ABCC11: variants seen among roughly 807,000 people sequenced by gnomAD.
ABCC11 encodes the protein ATP-binding cassette sub-family C member 11.
A neutral mutation model predicts 149.3 loss-of-function variants in ABCC11; 135 were observed. The observed-to-expected ratio is 0.90, with a 90% CI of 0.79 to 1.04. The LOEUF (loss-of-function observed/expected upper bound fraction) is 1.04. ABCC11 is among the 50% of genes least tolerant of loss of function. ABCC11 has a pLI of 0.00. For synonymous variants in ABCC11, 665 were observed against 671.4 expected (o/e 0.99, Z 0.15); for missense variants, 1,680 against 1,722.1 (o/e 0.98, Z 0.43).
chr16:48,195,458 G>C (rs1967315224), intron 18 of ABCC11, among the ~76,000 whole-genome samples: 1 of 152,176 alleles, frequency 6.6e-6, no homozygotes, highest in South Asian at 2.1e-4. Flanking sequence ...CCTCCCCCAG[G>C]CATGCAGACA....
In ABCC11 at chr16:48,212,406, A is replaced by G. The variant is rs555567511; in HGVS notation, c.1356+1037T>C. On this transcript the variant is annotated intron_variant, in intron 10 of 29. Transcript: ENST00000356608. Reference sequence around the variant, plus strand: ...GCCACACAGAAAATACACTAACACCAATGATAGCTAATGAGCTAAGAAAAA... The same window carrying G: ...GCCACACAGAAAATACACTAACACCGATGATAGCTAATGAGCTAAGAAAAA... Among the ~76,000 whole-genome samples the G allele has an allele frequency of 4.6e-5, 7 of 152,278 alleles. No individual in the cohort carries two copies. The East Asian group carries it at 1.2e-3, about 25-fold the overall frequency.
intron 22 of ABCC11, 83 bp downstream of exon 22, chr16:48,186,870 C>T (rs1966776353): frequency 2.6e-6 from 4 of 1,517,074 alleles, no homozygotes; most frequent in Non-Finnish European, 1.8e-6. Context: ...GAAGATGATG[C>T]CACTCCCAGA....
intron 28 of ABCC11, among the ~76,000 whole-genome samples, chr16:48,168,836 A>G (rs534365950): frequency 6.4e-4 from 98 of 152,306 alleles, no homozygotes; most frequent in African/African-American, 2.3e-3. Context: ...TGGGAGTTGA[A>G]CAATGAGAAC....
intron 5 of ABCC11, 112 bp from the exon 6 acceptor site, chr16:48,222,943 G>C: frequency 1.1e-6 from 1 of 913,408 alleles, no homozygotes; most frequent in Non-Finnish European, 1.7e-6. Context: ...GTTTGTTGAA[G>C]GATCAAAACT....
chr16:48,196,835 T>C (rs1340814568), intron 17 of ABCC11, among the ~76,000 whole-genome samples: 1 of 152,204 alleles, frequency 6.6e-6, no homozygotes, highest in African/African-American at 2.4e-5. Flanking sequence ...TACCTGGAGA[T>C]GCCCATAGAT....
At chr16:48,194,902 G>A (rs1967254293) in intron 18 of ABCC11, among the ~76,000 whole-genome samples, 1 of 152,160 alleles carries the variant, frequency 6.6e-6, no homozygotes, top group African/African-American at 2.4e-5. Flanking sequence ...GCACAAATAG[G>A]CTAATAAAAT....
chr16:48,168,492 T>G (rs1261002454), intron 28 of ABCC11, among the ~76,000 whole-genome samples: 1 of 152,170 alleles, frequency 6.6e-6, no homozygotes, highest in Non-Finnish European at 1.5e-5. Context: ...CCATGATACA[T>G]GTGTGTGAGC....
intron 19 of ABCC11, 68 bp from the exon 20 acceptor site, chr16:48,192,785 T>C: frequency 6.7e-7 from 1 of 1,491,026 alleles, no homozygotes. Flanking sequence ...GAAAGCCTTC[T>C]CCCTGGGGCC....
intron 23 of ABCC11, among the ~76,000 whole-genome samples, chr16:48,180,292 C>T (rs1435967050): frequency 2.0e-5 from 3 of 152,242 alleles, no homozygotes; most frequent in Admixed American, 6.5e-5. Flanking sequence ...AAGTTATCTC[C>T]TCTCCAGCCT....
rs1596845255 is a variant in ABCC11 at position 48,230,553 on chromosome 16, A to G, written c.120T>C (p.Asp40=). 1.2e-6 allele frequency: 2 copies of G among 1,606,086 alleles called. No homozygotes were observed. Among genetic ancestry groups the G allele is most frequent in the Non-Finnish European group, 1.7e-6 (2 of 1,176,312 alleles). Residue 40 remains aspartate, a synonymous_variant, in exon 3 of 30, where the codon GAT becomes GAC. Transcript: ENST00000356608. ...GLIYKTYTLQ[D]GPWSQQERNP... is the part of the protein sequence containing the mutation. ...TTCTCTCTTGCTGACTCCAGGGGCC[A>G]TCTTGGAGAGTATAGGTTTTCTTGG...
rs1264139210 is a variant in ABCC11 at position 48,187,410 on chromosome 16, C to G, written c.2724G>C (p.Met908Ile). Reference protein sequence around the residue: ...KLFNKVFRCPMSFFDTIPIGR... With the variant: ...KLFNKVFRCPISFFDTIPIGR... ...CTATTGGGATGGTGTCAAAGAAACTCATGGGGCAGCGGAAAACCTGCAGGG... is the reference window on the plus strand; with the variant it reads ...CTATTGGGATGGTGTCAAAGAAACTGATGGGGCAGCGGAAAACCTGCAGGG... The change falls in exon 21 of 30, where the codon ATG becomes ATC. Residue 908 changes from methionine to isoleucine, a missense_variant. Transcript: ENST00000356608. 1.2e-6 allele frequency: 2 copies of G among 1,612,974 alleles called. No individual in the cohort carries two copies. The highest frequency in any genetic ancestry group is 3.3e-5 in the Admixed American group (2 of 59,896).
chr16:48,191,259 G>C (rs1966899134), intron 20 of ABCC11, among the ~76,000 whole-genome samples: 1 of 152,184 alleles, frequency 6.6e-6, no homozygotes, highest in African/African-American at 2.4e-5. Context: ...AAATGGGCCA[G>C]GTGCAGTGAC....
At chr16:48,170,027 G>A (rs1166511162) in intron 28 of ABCC11, 78 bp downstream of exon 28, 11 of 1,129,600 alleles carry the variant, frequency 9.7e-6, no homozygotes, top group Non-Finnish European at 1.4e-5. Flanking sequence ...GGTAGTGAAG[G>A]GAGAGGGAGC....
intron 1 of ABCC11, among the ~76,000 whole-genome samples, chr16:48,242,912 G>T (rs111915588): frequency 3.3e-4 from 50 of 151,836 alleles, no homozygotes; most frequent in East Asian, 9.8e-4. Context: ...GGTGGGGAGT[G>T]GGGGGGAAGG....
At chr16:48,202,437 C>T (rs1968068630) in intron 14 of ABCC11, among the ~76,000 whole-genome samples, 1 of 151,978 alleles carries the variant, frequency 6.6e-6, no homozygotes, top group African/African-American at 2.4e-5. Flanking sequence ...ATGACGAAAC[C>T]CTGTCTCCAC....
chr16:48,227,829 A>G lies in ABCC11; in HGVS notation c.372T>C (p.Asp124=), dbSNP rs1800358515. 6.2e-7 allele frequency: 1 copy of G among 1,613,946 alleles called. No homozygotes were observed. Among genetic ancestry groups the G allele is most frequent in the Non-Finnish European group, 8.5e-7 (1 of 1,179,994 alleles). ...ACCTTTGGACATTTTTGTCTGAGGCATCATGGACTGACAGTGGAGGGATGG... is the reference window on the plus strand; with the variant it reads ...ACCTTTGGACATTTTTGTCTGAGGCGTCATGGACTGACAGTGGAGGGATGG... ...ENTIPPLSVH[D]ASDKNVQRLH... The change falls in exon 4 of 30, where the codon GAT becomes GAC. Residue 124 remains aspartate, a synonymous_variant. Coordinates refer to ENST00000356608, the MANE Select transcript of ABCC11 (RefSeq NM_001370497.1).
intron 22 of ABCC11, among the ~76,000 whole-genome samples, chr16:48,184,972 A>AT (rs1966669778): frequency 6.6e-6 from 1 of 152,202 alleles, no homozygotes; most frequent in South Asian, 2.1e-4. Context: ...TGTGGGAGTG[A>AT]TTCCTTTCAG....
chr16:48,206,606 T>C (rs1400859810), intron 12 of ABCC11, among the ~76,000 whole-genome samples: 2 of 152,240 alleles, frequency 1.3e-5, no homozygotes, highest in Admixed American at 6.5e-5. Flanking sequence ...TAAAATGGCA[T>C]CTCTGTCTTC....
At chr16:48,188,525 G>A (rs1966844080) in intron 20 of ABCC11, among the ~76,000 whole-genome samples, 1 of 152,218 alleles carries the variant, frequency 6.6e-6, no homozygotes, top group Non-Finnish European at 1.5e-5. Flanking sequence ...GCACCTGCAA[G>A]TTGATCTCTA....
Sources: gnomAD v4.1 joint callset for allele counts (sites outside exome capture counted in the v4.1 genomes callset) on GRCh38, gnomAD v4.1.1 for gene constraint, MANE v1.5 for transcripts, NCBI Gene and HGNC (gene_info 2026-07-23, HGNC 2026-07-21) for gene names.